Variants in TUBGCP3 observed in about 807,000 individuals in gnomAD.
TUBGCP3 encodes the protein gamma-tubulin complex component 3.
Under a neutral mutation model 123.1 loss-of-function variants are expected in TUBGCP3, and 50 were observed. The ratio of observed to expected loss-of-function variants is 0.41; its 90% confidence interval spans 0.32 to 0.51. The LOEUF (loss-of-function observed/expected upper bound fraction) is 0.51. TUBGCP3 is among the 20% of genes least tolerant of loss of function. TUBGCP3 has a pLI of 0.36. For synonymous variants in TUBGCP3, 405 were observed against 413.9 expected, an observed-to-expected ratio of 0.98 and a Z score of 0.26; for missense variants, 882 against 1,127.0, an observed-to-expected ratio of 0.78 and a Z score of 3.11.
At chr13:112,557,216 T>C (rs955590971) in intron 5 of TUBGCP3, among the ~76,000 whole-genome samples, 1 of 152,230 alleles carries the variant, frequency 6.6e-6, no homozygotes, top group Non-Finnish European at 1.5e-5. Context: ...AATTCTGAGG[T>C]ATAAATGAGA....
At chr13:112,588,773 G>A (rs187263614), upstream of TUBGCP3, among the ~76,000 whole-genome samples, 1 of 152,278 alleles carries the variant, frequency 6.6e-6, no homozygotes, top group Non-Finnish European at 1.5e-5. Context: ...TGGGAGCCGT[G>A]AGCTACCATG....
the TUBGCP3 span, among the ~76,000 whole-genome samples, chr13:112,593,374 C>T: frequency 6.6e-6 from 1 of 152,118 alleles, no homozygotes; most frequent in Non-Finnish European, 1.5e-5. Context: ...GCCACGATGA[C>T]ACCACTGCTC....
chr13:112,598,945 CA>C, the TUBGCP3 span, among the ~76,000 whole-genome samples: 1,226 of 71,558 alleles, frequency 0.017, 10 homozygotes, highest in African/African-American at 0.063. Context: ...GACTCCGTCT[CA>C]AAAAAAAAAA....
intron 1 of TUBGCP3, 68 bp from the exon 2 acceptor site, chr13:112,569,327 A>C: frequency 1.4e-6 from 2 of 1,413,560 alleles, no homozygotes; most frequent in East Asian, 4.6e-5. Context: ...TGAAGCTTCC[A>C]GTTCAAGACA....
chr13:112,543,350 T>G (rs570263859), intron 11 of TUBGCP3, among the ~76,000 whole-genome samples: 1 of 152,342 alleles, frequency 6.6e-6, no homozygotes, highest in African/African-American at 2.4e-5. Context: ...GCTTCAGTTT[T>G]TATTTTAAAA....
chr13:112,495,533 G>C (rs1880477407), intron 20 of TUBGCP3, among the ~76,000 whole-genome samples: 1 of 152,030 alleles, frequency 6.6e-6, no homozygotes, highest in Non-Finnish European at 1.5e-5. Context: ...TTCCCCTTCA[G>C]TTTATAAACA....
chr13:112,504,677 G>A lies in TUBGCP3; in HGVS notation c.2124C>T (p.Ala708=), dbSNP rs770450203. 17 of 1,613,716 alleles carry A rather than the reference G, an allele frequency of 1.1e-5. No homozygotes were observed. Among genetic ancestry groups the A allele is most frequent in the Non-Finnish European group, 1.4e-5 (16 of 1,179,966 alleles). ...SGVLHQCHIL[A]SEMVHFIHQM... ...GATGAATGAAATGGACCATCTCAGA[G>A]GCCAAAATGTGACACTGGTGCAGCA... Residue 708 remains alanine (A), a synonymous_variant, in exon 18 of 22, where the codon GCC becomes GCT. Coordinates refer to ENST00000261965, the MANE Select transcript of TUBGCP3 (RefSeq NM_006322.6).
rs772832251 is a variant in TUBGCP3, at chr13:112,526,928, C to T, written c.1555+14G>A. The T allele has an allele frequency of 6.3e-7, 1 of 1,584,036 alleles. No homozygotes were observed. ...ACCATTGCCATCATCACCACCCCAC[C>T]AGCATCATCATACCGTCCTGGGGTG... On this transcript the variant is annotated intron_variant, in intron 13 of 21. Coordinates refer to ENST00000261965, the MANE Select transcript of TUBGCP3 (RefSeq NM_006322.6).
chr13:112,505,431 C>T (rs1881225967), intron 17 of TUBGCP3, among the ~76,000 whole-genome samples: 1 of 152,194 alleles, frequency 6.6e-6, no homozygotes, highest in African/African-American at 2.4e-5. Flanking sequence ...GCTTCAAACG[C>T]CCTCAATGAG....
chr13:112,496,697 G>A (rs567900260), intron 20 of TUBGCP3, among the ~76,000 whole-genome samples: 3 of 152,226 alleles, frequency 2.0e-5, no homozygotes, highest in South Asian at 2.1e-4. Flanking sequence ...CTTAAAATCC[G>A]AAGGAGTGGC....
intron 17 of TUBGCP3, among the ~76,000 whole-genome samples, chr13:112,515,298 G>A (rs757971187): frequency 1.3e-5 from 2 of 152,138 alleles, no homozygotes; most frequent in African/African-American, 2.4e-5. Context: ...TGACAGCATC[G>A]GTTTGGCCTT....
intron 4 of TUBGCP3, 141 bp downstream of exon 4, chr13:112,559,181 G>T (rs1880295608): frequency 2.4e-6 from 1 of 418,238 alleles, no homozygotes; most frequent in Admixed American, 5.1e-5. Context: ...AAAGAAAAAG[G>T]AAAAGAAATC....
At chr13:112,588,158 G>C (rs1420626211), upstream of TUBGCP3, 6 of 471,708 alleles carry the variant, frequency 1.3e-5, no homozygotes, top group South Asian at 4.7e-5. Flanking sequence ...AAGCGCGGGC[G>C]CTTCCCACAA....
chr13:112,540,375 T>C (rs9550133), intron 11 of TUBGCP3, among the ~76,000 whole-genome samples: 27 of 133,570 alleles, frequency 2.0e-4, no homozygotes, highest in Non-Finnish European at 3.2e-4. Context: ...TGGGAAAGGA[T>C]ACCTGGGAGT....
chr13:112,556,499 C>A (rs1036968593), intron 5 of TUBGCP3, among the ~76,000 whole-genome samples: 2 of 152,182 alleles, frequency 1.3e-5, no homozygotes, highest in Non-Finnish European at 2.9e-5. Flanking sequence ...ATATATATTT[C>A]TTACCATTAA....
chr13:112,563,696 T>C (rs1252610622), intron 3 of TUBGCP3, among the ~76,000 whole-genome samples: 1 of 123,128 alleles, frequency 8.1e-6, no homozygotes, highest in African/African-American at 3.6e-5. Flanking sequence ...ACCCCATCTC[T>C]ACTAAAAATA....
chr13:112,586,726 G>C (rs1255424347), intron 1 of TUBGCP3, among the ~76,000 whole-genome samples: 1 of 152,132 alleles, frequency 6.6e-6, no homozygotes, highest in Non-Finnish European at 1.5e-5. Flanking sequence ...TCTTCCAGTA[G>C]AGTGTCTGTC....
At chr13:112,588,157 C>G, upstream of TUBGCP3, 1 of 474,234 alleles carries the variant, frequency 2.1e-6, no homozygotes, top group Non-Finnish European at 3.6e-6. Flanking sequence ...AAAGCGCGGG[C>G]GCTTCCCACA....
At position 112,549,196 on chromosome 13, in the gene TUBGCP3, G is replaced by A. The variant is rs553255381; in HGVS notation, c.967-1020C>T. Among the ~76,000 whole-genome samples the A allele has an allele frequency of 3.2e-3, 482 of 152,282 alleles. 2 individuals carry two copies. The highest frequency in any genetic ancestry group is 5.5e-3 in the Non-Finnish European group (375 of 68,022). On this transcript the variant is annotated intron_variant, in intron 8 of 21. Coordinates refer to ENST00000261965, the MANE Select transcript of TUBGCP3 (RefSeq NM_006322.6). ...TCATGTCCTTTGTAGGGACGTGGAT[G>A]AAGCTGGAAACCATCATTCTGAGCA... is the stretch of plus-strand genomic sequence containing the variant.
Sources: allele counts gnomAD v4.1 joint callset (sites outside exome capture counted in the v4.1 genomes callset), GRCh38; gene constraint gnomAD v4.1.1; transcripts MANE v1.5; gene names NCBI Gene and HGNC (gene_info 2026-07-23, HGNC 2026-07-21).